CSTPP1: variants seen among roughly 807,000 people sequenced by gnomAD.
The protein encoded by CSTPP1 is centriolar satellite-associated tubulin polyglutamylase complex regulator 1, also known as UPF0705 protein C11orf49.
At chr11:47,089,106 G>T in the CSTPP1 span, among the ~76,000 whole-genome samples, 1 of 152,124 alleles carries the variant, frequency 6.6e-6, no homozygotes, top group East Asian at 1.9e-4. Context: ...GCCCCAGTCT[G>T]CAGCAAAGAT....
the CSTPP1 span, among the ~76,000 whole-genome samples, chr11:47,048,495 A>C: frequency 1.3e-5 from 2 of 151,712 alleles, no homozygotes; most frequent in Non-Finnish European, 2.9e-5. Flanking sequence ...GGAAAGAAGG[A>C]AGGAGGGAAA....
the CSTPP1 span, among the ~76,000 whole-genome samples, chr11:46,984,299 A>G: frequency 6.6e-6 from 1 of 152,212 alleles, no homozygotes; most frequent in Non-Finnish European, 1.5e-5. Context: ...TAATTTTGTA[A>G]GTCTCAGTTC....
the CSTPP1 span, among the ~76,000 whole-genome samples, chr11:47,058,216 T>C: frequency 6.6e-6 from 1 of 152,168 alleles, no homozygotes; most frequent in Non-Finnish European, 1.5e-5. Flanking sequence ...TGGTCCCAGC[T>C]ACTCTAATGG....
At chr11:47,031,721 A>G in the CSTPP1 span, among the ~76,000 whole-genome samples, 1 of 147,724 alleles carries the variant, frequency 6.8e-6, no homozygotes, top group Non-Finnish European at 1.5e-5. Context: ...TTTTTAAAAG[A>G]GATCTCTTAA....
At chr11:47,030,698 G>GT in the CSTPP1 span, among the ~76,000 whole-genome samples, 5 of 152,114 alleles carry the variant, frequency 3.3e-5, no homozygotes, top group African/African-American at 1.2e-4. Context: ...ATAGGCCCCA[G>GT]TGTGTGTTGT....
At chr11:47,012,234 G>A in the CSTPP1 span, among the ~76,000 whole-genome samples, 3 of 152,160 alleles carry the variant, frequency 2.0e-5, no homozygotes, top group African/African-American at 4.8e-5. Flanking sequence ...TCCAACCTGG[G>A]CAACAGAGTG....
the CSTPP1 span, among the ~76,000 whole-genome samples, chr11:46,957,332 T>C: frequency 6.6e-6 from 1 of 152,192 alleles, no homozygotes; most frequent in East Asian, 1.9e-4. Flanking sequence ...CCTTTTTCCT[T>C]ACATGTTCCT....
chr11:46,962,176 C>A, the CSTPP1 span, among the ~76,000 whole-genome samples: 1 of 152,112 alleles, frequency 6.6e-6, no homozygotes, highest in African/African-American at 2.4e-5. Context: ...AACTACAGTT[C>A]AAGATGAGAT....
the CSTPP1 span, among the ~76,000 whole-genome samples, chr11:47,113,014 C>T: frequency 1.3e-5 from 2 of 152,132 alleles, no homozygotes; most frequent in African/African-American, 2.4e-5. Context: ...CGACAGGACC[C>T]GGTGTGTGAT....
At chr11:47,086,047 G>C in the CSTPP1 span, among the ~76,000 whole-genome samples, 9 of 151,704 alleles carry the variant, frequency 5.9e-5, no homozygotes, top group Non-Finnish European at 1.0e-4. Flanking sequence ...CACTTCAGCA[G>C]ACTTGACATC....
At chr11:47,021,963 G>T in the CSTPP1 span, among the ~76,000 whole-genome samples, 3 of 151,738 alleles carry the variant, frequency 2.0e-5, no homozygotes, top group Non-Finnish European at 4.4e-5. Context: ...CGCCTGTGCA[G>T]TTGTCCTTTT....
At chr11:47,007,659 C>CT in the CSTPP1 span, among the ~76,000 whole-genome samples, 73 of 148,618 alleles carry the variant, frequency 4.9e-4, no homozygotes, top group African/African-American at 1.5e-3. Flanking sequence ...TTGTGTTATA[C>CT]TTTTTTTTTT....
chr11:46,952,576 T>C, the CSTPP1 span, among the ~76,000 whole-genome samples: 1 of 152,218 alleles, frequency 6.6e-6, no homozygotes, highest in Non-Finnish European at 1.5e-5. Context: ...AGGTGAAGCA[T>C]AGATGTGCTG....
At chr11:47,006,883 C>T in the CSTPP1 span, among the ~76,000 whole-genome samples, 3 of 149,778 alleles carry the variant, frequency 2.0e-5, no homozygotes, top group African/African-American at 4.9e-5. Context: ...TGAGCCAACA[C>T]GACTGGCCTC....
chr11:46,964,027 T>C, the CSTPP1 span, among the ~76,000 whole-genome samples: 1 of 152,166 alleles, frequency 6.6e-6, no homozygotes, highest in Non-Finnish European at 1.5e-5. Flanking sequence ...TATAGGTTTT[T>C]ATTCGATGAC....
the CSTPP1 span, among the ~76,000 whole-genome samples, chr11:47,055,864 A>G: frequency 1.2e-4 from 19 of 152,226 alleles, no homozygotes; most frequent in Non-Finnish European, 2.5e-4. Flanking sequence ...AAATGCACTA[A>G]TAGGCAAAAA....
At chr11:47,074,364 A>C in the CSTPP1 span, among the ~76,000 whole-genome samples, 4 of 151,272 alleles carry the variant, frequency 2.6e-5, no homozygotes, top group Non-Finnish European at 5.9e-5. Flanking sequence ...CACCAGGCAT[A>C]GTGGCTCACG....
the CSTPP1 span, among the ~76,000 whole-genome samples, chr11:47,016,755 A>G: frequency 1.1e-4 from 16 of 151,826 alleles, no homozygotes; most frequent in East Asian, 1.5e-3. Context: ...GGATATGTTC[A>G]TTATCTTGAT....
At chr11:47,064,416 C>G in the CSTPP1 span, among the ~76,000 whole-genome samples, 9 of 151,770 alleles carry the variant, frequency 5.9e-5, no homozygotes, top group Non-Finnish European at 1.0e-4. Context: ...GGAGATTTCC[C>G]CTATGTTTTC....
Sources: allele counts gnomAD v4.1 joint callset (sites outside exome capture counted in the v4.1 genomes callset), GRCh38; gene constraint gnomAD v4.1.1; transcripts MANE v1.5; gene names NCBI Gene and HGNC (gene_info 2026-07-23, HGNC 2026-07-21).